EXOC3L2: variants seen among roughly 807,000 people sequenced by gnomAD.
EXOC3L2 encodes exocyst complex component 3 like 2, also known as exocyst complex component 3-like protein 2.
In EXOC3L2, 17 loss-of-function variants were observed where a neutral mutation model predicts 44.4. The observed-to-expected ratio is 0.38, with a 90% confidence interval of 0.26 to 0.57. The LOEUF (loss-of-function observed/expected upper bound fraction) is 0.57. EXOC3L2 is among the 20% of genes least tolerant of loss of function. The pLI is 0.65. For missense variants in EXOC3L2, 541 were observed against 588.4 expected (o/e 0.92, Z 0.83); for synonymous variants, 256 against 253.7 (o/e 1.01, Z -0.09).
rs1213545272 is a variant in EXOC3L2 at position 45,224,920 on chromosome 19, G to A, written c.1584-7C>T. On this transcript the variant is annotated splice_polypyrimidine_tract_variant and splice_region_variant and intron_variant, in intron 7 of 11. Transcript: ENST00000413988. ...CAGGCGCTCGGCCAGAGCTCTGTGG[G>A]GATCAACAGAGCCAAAACTGAGGGA... 1 of 1,512,150 alleles carries A rather than the reference G, an allele frequency of 6.6e-7. No homozygotes were observed. Among genetic ancestry groups the A allele is most frequent in the East Asian group, 2.4e-5 (1 of 41,750 alleles). 93.7% of individuals were successfully genotyped at this position (1,512,150 alleles called of 1,614,324 possible). A position where few individuals can be genotyped will look rare whatever the true frequency, so the allele number is the denominator to read the frequency against.
chr19:45,212,649 C>T lies in EXOC3L2; in HGVS notation c.*420G>A, dbSNP rs1383783379. 5 of 142,296 alleles carry T rather than the reference C, an allele frequency of 3.5e-5. No homozygotes were observed. The highest frequency in any genetic ancestry group is 1.4e-4 in the African/African-American group (5 of 35,666). The allele number at this position is 142,296 out of a possible 1,614,324, so 8.8% of individuals were successfully genotyped here. ...AAAGGGTCTTGCTTTGTTGACCAGG[C>T]TGGAGTGCAGTGGCACAGTCATAGC... On this transcript the variant is annotated 3_prime_UTR_variant, in exon 12 of 12. Transcript: ENST00000413988.
chr19:45,240,153 G>C (rs1354233920), intron 1 of EXOC3L2, among the ~76,000 whole-genome samples: 1 of 145,234 alleles, frequency 6.9e-6, no homozygotes, highest in Non-Finnish European at 1.5e-5. Context: ...CACCCAGGCT[G>C]GAGTGCAATG....
At chr19:45,240,962 C>T (rs1193509041) in intron 1 of EXOC3L2, among the ~76,000 whole-genome samples, 1 of 152,160 alleles carries the variant, frequency 6.6e-6, no homozygotes, top group Non-Finnish European at 1.5e-5. Flanking sequence ...CAGCCCTGTG[C>T]AGGCGTTAGG....
intron 8 of EXOC3L2, among the ~76,000 whole-genome samples, chr19:45,219,708 G>A (rs1380488343): frequency 2.6e-5 from 4 of 152,126 alleles, no homozygotes; most frequent in Non-Finnish European, 4.4e-5. Flanking sequence ...CTGTATATGC[G>A]ACTGTGACTT....
rs1446951368 is a variant in EXOC3L2, at chr19:45,213,109, G to A, written c.2369C>T (p.Pro790Leu). ...AGGTCGCGCTAGAGACGGAGGCCGGGGCCGAGGCAGACAGGCCAAACTGGG... is the reference window on the plus strand; with the variant it reads ...AGGTCGCGCTAGAGACGGAGGCCGGAGCCGAGGCAGACAGGCCAAACTGGG... Reference protein sequence around the residue: ...ARPSLACLPRPRPPSLARPRA... With the variant: ...ARPSLACLPRLRPPSLARPRA... The change falls in exon 12 of 12, where the codon CCC becomes CTC. Residue 790 changes from proline to leucine, a missense_variant. Physicochemically the swap from Pro to Leu is moderately conservative, Grantham distance 98. Coordinates refer to ENST00000413988, the MANE Select transcript of EXOC3L2 (RefSeq NM_001382422.1). 1.3e-6 allele frequency: 2 copies of A among 1,544,004 alleles called. No homozygotes were observed. Among genetic ancestry groups the A allele is most frequent in the South Asian group, 2.5e-5 (2 of 81,630 alleles).
intron 1 of EXOC3L2, among the ~76,000 whole-genome samples, chr19:45,239,468 G>A (rs997774756): frequency 1.3e-5 from 2 of 151,116 alleles, no homozygotes; most frequent in Admixed American, 6.6e-5. Flanking sequence ...CACCTGCCTC[G>A]GCCTCCCAAA....
At chr19:45,235,197 A>G (rs180714610) in intron 2 of EXOC3L2, among the ~76,000 whole-genome samples, 1 of 152,296 alleles carries the variant, frequency 6.6e-6, no homozygotes, top group Non-Finnish European at 1.5e-5. Context: ...GCTACTCGAG[A>G]GGCAGGAGAA....
intron 1 of EXOC3L2, among the ~76,000 whole-genome samples, chr19:45,244,288 C>T (rs886914680): frequency 6.6e-6 from 1 of 152,098 alleles, no homozygotes; most frequent in African/African-American, 2.4e-5. Context: ...CATCATCCCC[C>T]CTCCACCCCA....
intron 1 of EXOC3L2, among the ~76,000 whole-genome samples, chr19:45,240,866 C>T (rs758314814): frequency 4.6e-5 from 7 of 151,852 alleles, no homozygotes; most frequent in South Asian, 4.2e-4. Context: ...ATCACACCAC[C>T]GCATTCTGGC....
In EXOC3L2 at chr19:45,234,976, A is replaced by C; in HGVS notation, c.524-150T>G. 1 of 378,412 alleles carries C rather than the reference A, an allele frequency of 2.6e-6. No homozygotes were observed. Among genetic ancestry groups the C allele is most frequent in the Non-Finnish European group, 4.7e-6 (1 of 213,050 alleles). 23.4% of individuals were successfully genotyped at this position (378,412 alleles called of 1,614,324 possible). On this transcript the variant is annotated intron_variant, in intron 2 of 11. Coordinates refer to ENST00000413988, the MANE Select transcript of EXOC3L2 (RefSeq NM_001382422.1). This position sits in a 1 kb window ranked among gnomAD's most constrained non-coding sequence, Gnocchi z 5.0. ...TGTGGGGGCAGAGAAGAGCCCGGAG[A>C]AGAGCAAGAAAGAAGGATGTTGAGT...
chr19:45,226,039 C>T (rs1187478872), intron 7 of EXOC3L2, among the ~76,000 whole-genome samples: 2 of 152,178 alleles, frequency 1.3e-5, no homozygotes, highest in Non-Finnish European at 2.9e-5. Flanking sequence ...AGAGTTCTCA[C>T]GCTCCTTTTT....
At chr19:45,229,424 C>A (rs1029116281) in intron 4 of EXOC3L2, among the ~76,000 whole-genome samples, 3 of 144,078 alleles carry the variant, frequency 2.1e-5, no homozygotes, top group African/African-American at 5.1e-5. Flanking sequence ...ATTCATAATA[C>A]GTTATTTATA....
intron 2 of EXOC3L2, among the ~76,000 whole-genome samples, chr19:45,236,641 G>T: frequency 6.6e-6 from 1 of 151,910 alleles, no homozygotes; most frequent in East Asian, 1.9e-4. Flanking sequence ...AGGAGGTTGC[G>T]TTTGGAGTTG....
intron 9 of EXOC3L2, 69 bp downstream of exon 9, chr19:45,218,128 G>T: frequency 2.2e-6 from 3 of 1,376,690 alleles, no homozygotes; most frequent in South Asian, 1.5e-5. Flanking sequence ...CCCTCTTCCC[G>T]TCCCTTTCCC....
At chr19:45,229,275 A>G (rs376844672) in intron 4 of EXOC3L2, among the ~76,000 whole-genome samples, 1 of 106,522 alleles carries the variant, frequency 9.4e-6, no homozygotes, top group Non-Finnish European at 2.0e-5. Flanking sequence ...TTAAATATAT[A>G]CATATATTTA....
chr19:45,229,276 CAT>C (rs1970002743), intron 4 of EXOC3L2, among the ~76,000 whole-genome samples: 1 of 118,962 alleles, frequency 8.4e-6, no homozygotes, highest in South Asian at 2.5e-4. Context: ...TAAATATATA[CAT>C]ATATTTATGT....
intron 4 of EXOC3L2, among the ~76,000 whole-genome samples, 158 bp downstream of exon 4, chr19:45,231,605 G>A (rs549135585): frequency 1.2e-3 from 181 of 152,216 alleles, no homozygotes; most frequent in African/African-American, 4.1e-3. Context: ...TCTGTACAGC[G>A]GCCTTTGTGT....
chr19:45,218,071 G>A, intron 9 of EXOC3L2, 126 bp downstream of exon 9: 23 of 1,318,696 alleles, frequency 1.7e-5, no homozygotes, highest in Non-Finnish European at 2.3e-5. Flanking sequence ...CCTTAGAGGG[G>A]TTTCCTCCAG....
At chr19:45,219,413 A>AAAAAG (rs1404154051) in intron 8 of EXOC3L2, among the ~76,000 whole-genome samples, 1 of 150,668 alleles carries the variant, frequency 6.6e-6, no homozygotes, top group Non-Finnish European at 1.5e-5. Flanking sequence ...AAAAAAAAAA[A>AAAAAG]AGAGAAAAAG....
Sources: gnomAD v4.1 joint callset for allele counts (sites outside exome capture counted in the v4.1 genomes callset) on GRCh38, gnomAD v4.1.1 for gene constraint, Gnocchi (gnomAD v3.1) non-coding constraint, MANE v1.5 for transcripts, NCBI Gene and HGNC (gene_info 2026-07-23, HGNC 2026-07-21) for gene names.